The following IL15RA variants were observed in gnomAD, a reference collection of about 807,000 sequenced individuals.
IL15RA encodes the protein interleukin-15 receptor subunit alpha.
A neutral mutation model predicts 24.2 loss-of-function variants in IL15RA; 26 were observed. The observed-to-expected ratio is 1.07, with a 90% CI of 0.79 to 1.49. IL15RA has a LOEUF of 1.49. IL15RA is among the 40% of genes most tolerant of loss of function. IL15RA has a pLI of 0.00. For synonymous variants in IL15RA, 166 were observed against 157.6 expected (o/e 1.05, Z -0.40); for missense variants, 354 against 356.4 (o/e 0.99, Z 0.05).
rs2132637042 is a variant in IL15RA at position 5,970,896 on chromosome 10, G to C, written c.89-4557C>G. The stretch of plus-strand genomic sequence containing the variant: ...CTGCCTCAGCCTCCCGAGTAGCTGG[G>C]ACTAGAGGCACATGCCACCATACCT... On this transcript the variant is annotated intron_variant, in intron 1 of 6. Coordinates refer to ENST00000379977, the MANE Select transcript of IL15RA (RefSeq NM_002189.4). The surrounding 1 kb of genome is among the most constrained non-coding windows in gnomAD (Gnocchi z 4.1). Among the ~76,000 whole-genome samples, 1 of 152,082 alleles carries C rather than the reference G, an allele frequency of 6.6e-6. No homozygotes were observed. Among genetic ancestry groups the C allele is most frequent in the South Asian group, 2.1e-4 (1 of 4,820 alleles).
Position 5,960,361 on chromosome 10 carries a change from G to A in IL15RA, c.583+6C>T. 6.2e-7 allele frequency: 1 copy of A among 1,613,782 alleles called. No individual in the cohort carries two copies. The highest frequency in any genetic ancestry group is 8.5e-7 in the Non-Finnish European group (1 of 1,179,704). On this transcript the variant is annotated splice_donor_region_variant and intron_variant, in intron 4 of 6. Transcript: ENST00000379977. The surrounding 1 kb of genome is among the most constrained non-coding windows in gnomAD (Gnocchi z 5.1). ...TGACCTCTCCTGGGGCAAAGCGAGT[G>A]CTAACCTGGCGGCTGGTGGGAGGCG...
rs886729758 is a variant in IL15RA at position 5,960,664 on chromosome 10, C to A, written c.383-97G>T. On this transcript the variant is annotated intron_variant, in intron 3 of 6. Coordinates refer to ENST00000379977, the MANE Select transcript of IL15RA (RefSeq NM_002189.4). This position sits in a 1 kb window ranked among gnomAD's most constrained non-coding sequence, Gnocchi z 5.1. ...ATGTGGGAGCTGCCATAGTGAGTCA[C>A]CCTGACCAGCCCTCCCTCTCTCACA... is the stretch of plus-strand genomic sequence containing the variant. The A allele has an allele frequency of 4.2e-6, 4 of 949,904 alleles. No individual in the cohort carries two copies. Among genetic ancestry groups the A allele is most frequent in the Admixed American group, 2.0e-5 (1 of 49,224 alleles). The allele number at this position is 949,904 out of a possible 1,614,324, so 58.8% of individuals were successfully genotyped here.
At position 5,971,852 on chromosome 10, in the gene IL15RA, A is replaced by T. The variant is rs975608820; in HGVS notation, c.89-5513T>A. Among the ~76,000 whole-genome samples the T allele has an allele frequency of 6.6e-6, 1 of 152,198 alleles. No individual in the cohort carries two copies. The highest frequency in any genetic ancestry group is 1.9e-4 in the East Asian group (1 of 5,196). On this transcript the variant is annotated intron_variant, in intron 1 of 6. Transcript: ENST00000379977. The surrounding 1 kb of genome is among the most constrained non-coding windows in gnomAD (Gnocchi z 5.5). Reference sequence around the variant, plus strand: ...CTTTCTCTCTCAGACTCATTAACTGAGCTTCCTGACCCACCTCTTGTGTGC... The same window carrying T: ...CTTTCTCTCTCAGACTCATTAACTGTGCTTCCTGACCCACCTCTTGTGTGC...
rs8177702 is a variant in IL15RA at position 5,961,148 on chromosome 10, T to C, written c.383-581A>G. Among the ~76,000 whole-genome samples, 30,777 of 151,938 alleles carry C rather than the reference T, an allele frequency of 0.2. 3,227 individuals are homozygous for C. Among genetic ancestry groups the C allele is most frequent in the South Asian group, 0.28 (1,330 of 4,804 alleles). On this transcript the variant is annotated intron_variant, in intron 3 of 6. Coordinates refer to ENST00000379977, the MANE Select transcript of IL15RA (RefSeq NM_002189.4). This position sits in a 1 kb window ranked among gnomAD's most constrained non-coding sequence, Gnocchi z 5.2. The stretch of plus-strand genomic sequence containing the variant: ...CAGGCCGGTCTCAAACTCCTGACCT[T>C]AGGTGATCCACCCACCTTGGCCTCC...
downstream of IL15RA, chr10:5,950,968 T>C (rs3181150): frequency 0.77 from 116,285 of 151,612 alleles, 45,130 homozygotes; most frequent in African/African-American, 0.88. The surrounding 1 kb of genome is among the most constrained non-coding windows in gnomAD (Gnocchi z 5.6). Context: ...GGCAAAACCC[T>C]GGCTCTACTA....
rs1355116838 is a variant in IL15RA, at chr10:5,961,504, T to C, written c.383-937A>G. ...GCAGGCCCAACGCTGGAGGCTCAGC[T>C]GAGAGCAGGTGAAGCTGCGCTGGCC... On this transcript the variant is annotated intron_variant, in intron 3 of 6. Transcript: ENST00000379977. The surrounding 1 kb of genome is among the most constrained non-coding windows in gnomAD (Gnocchi z 5.2). Among the ~76,000 whole-genome samples the C allele has an allele frequency of 6.6e-6, 1 of 152,236 alleles. No individual in the cohort carries two copies. The highest frequency in any genetic ancestry group is 2.4e-5 in the African/African-American group (1 of 41,464).
chr10:5,972,125 G>A (rs531761308), intron 1 of IL15RA, among the ~76,000 whole-genome samples: 31 of 152,240 alleles, frequency 2.0e-4, no homozygotes, highest in African/African-American at 6.7e-4. Flanking sequence ...GGAGTCTCCT[G>A]ACTACAGTTC....
chr10:5,949,262 G>A (rs749241432), downstream of IL15RA: 29 of 471,116 alleles, frequency 6.2e-5, no homozygotes, highest in South Asian at 3.6e-4. This position sits in a 1 kb window ranked among gnomAD's most constrained non-coding sequence, Gnocchi z 4.4. Context: ...GATGAGGGAC[G>A]GACGGTTTCA....
In IL15RA at chr10:5,959,780, T is replaced by C. The variant is rs1436174042; in HGVS notation, c.590A>G (p.Tyr197Cys). Residue 197 changes from tyrosine (Y) to cysteine (C), a missense_variant, in exon 5 of 7, where the codon TAT (tyrosine) becomes TGT (cysteine). Transcript: ENST00000379977. This position sits in a 1 kb window ranked among gnomAD's most constrained non-coding sequence, Gnocchi z 4.1. ...ASASHQPPGV[Y>C]PQGHSDTTVA... ...AGTGGTGTCGCTGTGGCCCTGTGGA[T>C]ACACACCTGCGGAAAAGAGAGGACA... 6.2e-7 allele frequency: 1 copy of C among 1,613,924 alleles called. No homozygotes were observed. The highest frequency in any genetic ancestry group is 1.1e-5 in the South Asian group (1 of 91,060).
At chr10:5,957,584 T>TTTC (rs201787779) in intron 5 of IL15RA, among the ~76,000 whole-genome samples, 36 of 139,300 alleles carry the variant, frequency 2.6e-4, no homozygotes, top group Non-Finnish European at 4.4e-4. Context: ...AACTTTTTCT[T>TTTC]TTCTTCTTCT....
chr10:5,952,110 AAAGT>A (rs1833919355), downstream of IL15RA, among the ~76,000 whole-genome samples: 1 of 152,208 alleles, frequency 6.6e-6, no homozygotes, highest in Non-Finnish European at 1.5e-5. Flanking sequence ...AACAGCAAAG[AAAGT>A]AAGAGAAGAA....
chr10:5,949,205 A>T (rs1213104061), downstream of IL15RA: 1 of 471,202 alleles, frequency 2.1e-6, no homozygotes, highest in Non-Finnish European at 4.4e-6. The surrounding 1 kb of genome is among the most constrained non-coding windows in gnomAD (Gnocchi z 4.4). Flanking sequence ...CTTGTAATTG[A>T]CAGAGAGCCT....
intron 1 of IL15RA, among the ~76,000 whole-genome samples, chr10:5,974,086 G>C (rs995047959): frequency 6.6e-6 from 1 of 151,922 alleles, no homozygotes; most frequent in Non-Finnish European, 1.5e-5. Context: ...CGCAACCTCT[G>C]CCTCCAGGGT....
chr10:5,951,254 C>A (rs548179964), downstream of IL15RA, among the ~76,000 whole-genome samples: 5 of 150,626 alleles, frequency 3.3e-5, no homozygotes, highest in Non-Finnish European at 7.4e-5. Context: ...TTGCTTGAGG[C>A]GGAGGTTGCA....
downstream of IL15RA, chr10:5,948,967 T>C (rs1165909018): frequency 3.4e-6 from 1 of 289,940 alleles, no homozygotes. Flanking sequence ...ATATATAATG[T>C]GTAGATATAA....
In IL15RA at chr10:5,967,428, C is replaced by A. The variant is rs1167310885; in HGVS notation, c.89-1089G>T. Among the ~76,000 whole-genome samples the A allele has an allele frequency of 6.6e-6, 1 of 152,184 alleles. No homozygotes were observed. On this transcript the variant is annotated intron_variant, in intron 1 of 6. Transcript: ENST00000379977. The surrounding 1 kb of genome is among the most constrained non-coding windows in gnomAD (Gnocchi z 4.4). ...CCATTTTGGCCAGGATGGCCTTGAT[C>A]TCTTGACCTTGTGATCATCCCGCTT...
At position 5,968,904 on chromosome 10, in the gene IL15RA, A is replaced by G. The variant is rs1185548270; in HGVS notation, c.89-2565T>C. 4 of 1,472,918 alleles carry G rather than the reference A, an allele frequency of 2.7e-6. No homozygotes were observed. The highest frequency in any genetic ancestry group is 2.8e-6 in the Non-Finnish European group (3 of 1,089,790). 91.2% of individuals were successfully genotyped at this position (1,472,918 alleles called of 1,614,324 possible). On this transcript the variant is annotated intron_variant, in intron 1 of 6. Coordinates refer to ENST00000379977, the MANE Select transcript of IL15RA (RefSeq NM_002189.4). This position sits in a 1 kb window ranked among gnomAD's most constrained non-coding sequence, Gnocchi z 5.4. ...TTCAGATATTCTGCTCCTTCCCGCC[A>G]GGACAGCCAGCCTGTCTCTTGCATC...
intron 1 of IL15RA, among the ~76,000 whole-genome samples, chr10:5,969,527 C>T (rs1024523412): frequency 1.3e-5 from 2 of 152,086 alleles, no homozygotes; most frequent in Non-Finnish European, 2.9e-5. Flanking sequence ...TGTGCACCAC[C>T]ATGCCCAGCT....
rs1837384858 is a variant in IL15RA at position 5,970,452 on chromosome 10, T to C, written c.89-4113A>G. Among the ~76,000 whole-genome samples the C allele has an allele frequency of 6.6e-6, 1 of 152,220 alleles. No homozygotes were observed. Among genetic ancestry groups the C allele is most frequent in the South Asian group, 2.1e-4 (1 of 4,836 alleles). ...TATTATTTATCATTTCTGGGTGTTT[T>C]TGTAGCAGGAGGGTTTTTTGGTATC... On this transcript the variant is annotated intron_variant, in intron 1 of 6. Transcript: ENST00000379977. The surrounding 1 kb of genome is among the most constrained non-coding windows in gnomAD (Gnocchi z 4.1).
Sources: allele counts gnomAD v4.1 joint callset (sites outside exome capture counted in the v4.1 genomes callset), GRCh38; gene constraint gnomAD v4.1.1; non-coding constraint Gnocchi (gnomAD v3.1); transcripts MANE v1.5; gene names NCBI Gene and HGNC (gene_info 2026-07-23, HGNC 2026-07-21).